ATP1B4: variants seen among roughly 807,000 people sequenced by gnomAD.
ATP1B4 encodes the protein ATPase Na+/K+ transporting family member beta 4.
ATP1B4 carries 32 observed loss-of-function variants against 29.6 expected under a neutral mutation model. That is an observed-to-expected ratio of 1.08 (90% confidence interval 0.82 to 1.45). The LOEUF is 1.45. Ranked by LOEUF, ATP1B4 falls within the 40% of genes most tolerant of loss-of-function variation. The pLI is 0.00. For synonymous variants in ATP1B4, 127 were observed against 102.1 expected (o/e 1.24, Z -1.47); for missense variants, 323 against 276.2 (o/e 1.17, Z -1.20).
In ATP1B4 at chrX:120,370,759, G is replaced by A; in HGVS notation, c.373G>A (p.Ala125Thr). The change falls in exon 3 of 8, where the codon GCT (alanine) becomes ACT (threonine). Residue 125 changes from alanine to threonine, a missense_variant. Coordinates refer to ENST00000218008, the MANE Select transcript of ATP1B4 (RefSeq NM_001142447.3). Reference protein sequence around the residue: ...IYFFFYASLAAVITLCMYTLF... With the variant: ...IYFFFYASLATVITLCMYTLF... ...CTTCTTCTTCTATGCCTCCTTGGCTGCTGTGATCACCCTCTGCATGTACAC... is the reference window on the plus strand; with the variant it reads ...CTTCTTCTTCTATGCCTCCTTGGCTACTGTGATCACCCTCTGCATGTACAC... 1 of 1,211,106 alleles carries A rather than the reference G, an allele frequency of 8.3e-7. No homozygotes were observed. Among genetic ancestry groups the A allele is most frequent in the Non-Finnish European group, 1.1e-6 (1 of 895,068 alleles).
chrX:120,379,856 T>C lies in ATP1B4; in HGVS notation c.*222T>C, dbSNP rs2058374292. 1 of 315,776 alleles carries C rather than the reference T, an allele frequency of 3.2e-6. No individual in the cohort carries two copies. Among genetic ancestry groups the C allele is most frequent in the East Asian group, 5.2e-5 (1 of 19,221 alleles). The allele number at this position is 315,776 out of a possible 1,213,427, so 26.0% of individuals were successfully genotyped here. A position where few individuals can be genotyped will look rare whatever the true frequency, so the allele number is the denominator to read the frequency against. On this transcript the variant is annotated 3_prime_UTR_variant, in exon 8 of 8. Coordinates refer to ENST00000218008, the MANE Select transcript of ATP1B4 (RefSeq NM_001142447.3). ...TGATGACAAACAGAGTATATTAATT[T>C]CCTTTCCCTCCACTTAAAACTAAAG... is the stretch of plus-strand genomic sequence containing the variant.
At chrX:120,374,447 T>TATATACCCTTATATATACCAGG (rs1443911386) in intron 4 of ATP1B4, among the ~76,000 whole-genome samples, 1 of 99,312 alleles carries the variant, frequency 1.0e-5, no homozygotes, top group East Asian at 3.1e-4. Flanking sequence ...ATATACCATA[T>TATATACCCTTATATATACCAGG]ATATACCCTT....
chrX:120,362,874 T>C lies in ATP1B4; in HGVS notation c.63+643T>C, dbSNP rs143408175. ...ACTGCTAATCTTGTACTCTTTCCAT[T>C]GTATTTGCAGAATGCATCTTCCAAA... On this transcript the variant is annotated intron_variant, in intron 1 of 7. Transcript: ENST00000218008. Among the ~76,000 whole-genome samples, 1,079 of 112,118 alleles carry C rather than the reference T, an allele frequency of 9.6e-3. 14 individuals are homozygous for C. Among genetic ancestry groups the C allele is most frequent in the African/African-American group, 0.033 (1,033 of 30,855 alleles).
At position 120,382,130 on chromosome X, in the gene ATP1B4, A is replaced by G. The variant is rs779013144; in HGVS notation, c.*2496A>G. 2.7e-5 allele frequency: 3 copies of G among 111,320 alleles called. No individual in the cohort carries two copies. Among genetic ancestry groups the G allele is most frequent in the East Asian group, 2.8e-4 (1 of 3,526 alleles). The allele number at this position is 111,320 out of a possible 1,213,427, so 9.2% of individuals were successfully genotyped here. A position where few individuals can be genotyped will look rare whatever the true frequency, so the allele number is the denominator to read the frequency against. On this transcript the variant is annotated 3_prime_UTR_variant, in exon 8 of 8. Coordinates refer to ENST00000218008, the MANE Select transcript of ATP1B4 (RefSeq NM_001142447.3). ...CCAGTCATGTAAACATACTATACCA[A>G]TCTAGTCCCTAACAGTGTTTTTTCT...
At chrX:120,365,958 T>G (rs1328622091) in intron 1 of ATP1B4, among the ~76,000 whole-genome samples, 1 of 111,689 alleles carries the variant, frequency 9.0e-6, no homozygotes, top group Non-Finnish European at 1.9e-5. Flanking sequence ...TAACTGCCCA[T>G]CTATTGTTTC....
At chrX:120,366,435 A>T in intron 1 of ATP1B4, 90 bp from the exon 2 acceptor site, 1 of 1,019,653 alleles carries the variant, frequency 9.8e-7, no homozygotes, top group Non-Finnish European at 1.3e-6. Flanking sequence ...ATCTCCAAAT[A>T]TTGAGTCATT....
chrX:120,371,235 G>C (rs770001912), intron 4 of ATP1B4, 25 bp downstream of exon 4: 3 of 1,141,140 alleles, frequency 2.6e-6, no homozygotes, highest in Non-Finnish European at 3.6e-6. Context: ...CTGAATAGTG[G>C]AAAGCTCTTT....
chrX:120,369,722 G>A (rs1234853275), intron 2 of ATP1B4, among the ~76,000 whole-genome samples: 2 of 111,860 alleles, frequency 1.8e-5, no homozygotes, highest in Non-Finnish European at 3.8e-5. Flanking sequence ...TTCACACAAC[G>A]GTCCTACAGC....
At chrX:120,375,737 C>CCG (rs1569355810) in intron 5 of ATP1B4, among the ~76,000 whole-genome samples, 169 bp downstream of exon 5, 1 of 109,585 alleles carries the variant, frequency 9.1e-6, no homozygotes, top group East Asian at 2.9e-4. Flanking sequence ...TCTTCCCCCC[C>CCG]GCCCACCGAG....
chrX:120,367,316 C>T (rs1328565957), intron 2 of ATP1B4, among the ~76,000 whole-genome samples: 1 of 112,012 alleles, frequency 8.9e-6, no homozygotes, highest in Non-Finnish European at 1.9e-5. Flanking sequence ...TTTATGAGGC[C>T]CCATCACCTG....
At chrX:120,363,000 G>A (rs760598295) in intron 1 of ATP1B4, among the ~76,000 whole-genome samples, 4 of 112,430 alleles carry the variant, frequency 3.6e-5, no homozygotes, top group African/African-American at 1.3e-4. Context: ...TATTTCCAGG[G>A]TGTATTACAA....
rs182169115 is a variant in ATP1B4 at position 120,374,639 on chromosome X, T to A, written c.563-733T>A. ...TATACCCTTATATATAATATAATAT[T>A]ATATTATATATATATAATATAATAT... On this transcript the variant is annotated intron_variant, in intron 4 of 7. Transcript: ENST00000218008. Among the ~76,000 whole-genome samples the A allele has an allele frequency of 9.9e-3, 126 of 12,789 alleles. 3 individuals carry two copies. Among genetic ancestry groups the A allele is most frequent in the African/African-American group, 0.014 (36 of 2,508 alleles). 11.1% of individuals were successfully genotyped at this position (12,789 alleles called of 115,157 possible).
chrX:120,377,244 A>G (rs904294761), intron 6 of ATP1B4, among the ~76,000 whole-genome samples: 2 of 112,497 alleles, frequency 1.8e-5, no homozygotes, highest in Non-Finnish European at 3.8e-5. Flanking sequence ...GCAAGCATTT[A>G]TTGATCACTT....
At chrX:120,367,097 C>T (rs1354427327) in intron 2 of ATP1B4, among the ~76,000 whole-genome samples, 1 of 112,143 alleles carries the variant, frequency 8.9e-6, no homozygotes, top group Non-Finnish European at 1.9e-5. Context: ...CTGTCACTTT[C>T]TATCCACGTG....
chrX:120,372,661 T>C (rs1451631352), intron 4 of ATP1B4, among the ~76,000 whole-genome samples: 2 of 112,395 alleles, frequency 1.8e-5, no homozygotes, highest in Non-Finnish European at 3.8e-5. Flanking sequence ...AATCAAAATC[T>C]GCATTTTTAA....
intron 1 of ATP1B4, among the ~76,000 whole-genome samples, chrX:120,365,134 C>T (rs930032511): frequency 4.5e-5 from 5 of 111,716 alleles, no homozygotes; most frequent in Non-Finnish European, 7.5e-5. Context: ...GACATAGGTT[C>T]CGAGACCGTC....
chrX:120,372,184 T>C (rs1461018498), intron 4 of ATP1B4, among the ~76,000 whole-genome samples: 3 of 111,826 alleles, frequency 2.7e-5, no homozygotes, highest in African/African-American at 9.8e-5. Flanking sequence ...AGCACACAGG[T>C]TCTTTATGCA....
chrX:120,374,828 A>AGAT (rs1227661440), intron 4 of ATP1B4, among the ~76,000 whole-genome samples: 2 of 25,138 alleles, frequency 8.0e-5, no homozygotes, highest in Non-Finnish European at 1.4e-4. Flanking sequence ...AAGGGTATAT[A>AGAT]TATATTATAT....
chrX:120,375,637 T>G (rs1196515821), intron 5 of ATP1B4, 69 bp downstream of exon 5: 1 of 946,661 alleles, frequency 1.1e-6, no homozygotes, highest in African/African-American at 2.0e-5. Flanking sequence ...GGCCACTCCA[T>G]TTGTCTTGGT....
Sources: allele counts gnomAD v4.1 joint callset (sites outside exome capture counted in the v4.1 genomes callset), GRCh38; gene constraint gnomAD v4.1.1; transcripts MANE v1.5; gene names NCBI Gene and HGNC (gene_info 2026-07-23, HGNC 2026-07-21).